Variants in GIPC2 observed in about 807,000 individuals in gnomAD.
GIPC2 encodes GIPC PDZ domain containing family member 2.
GIPC2 carries 30 observed loss-of-function variants against 30.6 expected under a neutral mutation model. The observed-to-expected ratio is 0.98, with a 90% CI of 0.73 to 1.33. The LOEUF (loss-of-function observed/expected upper bound fraction) is 1.33. Ranked by LOEUF, GIPC2 falls within the 40% of genes most tolerant of loss-of-function variation. The pLI is 0.00. For missense variants in GIPC2, 414 were observed against 390.3 expected (o/e 1.06, Z -0.51); for synonymous variants, 167 against 150.0 (o/e 1.11, Z -0.83).
At chr1:78,100,811 T>G (rs1480683206) in intron 3 of GIPC2, among the ~76,000 whole-genome samples, 1 of 151,662 alleles carries the variant, frequency 6.6e-6, no homozygotes, top group East Asian at 1.9e-4. Flanking sequence ...GCACCTCTAG[T>G]CTCAGTTGCT....
At chr1:78,108,953 G>A (rs1223817005) in intron 3 of GIPC2, among the ~76,000 whole-genome samples, 1 of 152,190 alleles carries the variant, frequency 6.6e-6, no homozygotes, top group Non-Finnish European at 1.5e-5. Context: ...AGCAGTCCAT[G>A]AGTGATGCTG....
At position 78,045,968 on chromosome 1, in the gene GIPC2, G is replaced by T; in HGVS notation, c.-127G>T. On this transcript the variant is annotated 5_prime_UTR_variant, in exon 1 of 6. Coordinates refer to ENST00000370759, the MANE Select transcript of GIPC2 (RefSeq NM_017655.6). ...CGGGGCCCTGACCCGACGCAGCCAG[G>T]CGGAAGCGCGGCTGCCATTGGAGGC... is the stretch of plus-strand genomic sequence containing the variant. The T allele has an allele frequency of 1.5e-6, 2 of 1,376,224 alleles. No homozygotes were observed. Among genetic ancestry groups the T allele is most frequent in the Non-Finnish European group, 1.9e-6 (2 of 1,070,200 alleles). The allele number at this position is 1,376,224 out of a possible 1,614,324, so 85.3% of individuals were successfully genotyped here.
rs1553143117 is a variant in GIPC2 at position 78,100,942 on chromosome 1, AC to A, written c.607+5811del. Among the ~76,000 whole-genome samples the A allele has an allele frequency of 8.5e-3, 844 of 98,948 alleles. 7 individuals are homozygous for A. The highest frequency in any genetic ancestry group is 0.023 in the African/African-American group (564 of 24,992). 64.9% of individuals were successfully genotyped at this position (98,948 alleles called of 152,430 possible). A position where few individuals can be genotyped will look rare whatever the true frequency, so the allele number is the denominator to read the frequency against. On this transcript the variant is annotated intron_variant, in intron 3 of 5. Coordinates refer to ENST00000370759, the MANE Select transcript of GIPC2 (RefSeq NM_017655.6). ...GAGACCCTGTCAAAAAAAAAAAAAT[AC>A]ACACACACACACACACACACACACA...
At chr1:78,080,373 AT>A (rs749388830) in intron 1 of GIPC2, among the ~76,000 whole-genome samples, 8 of 152,080 alleles carry the variant, frequency 5.3e-5, no homozygotes, top group Non-Finnish European at 1.2e-4. Context: ...CAGTTTCCTC[AT>A]TTGTAATATG....
intron 2 of GIPC2, 161 bp from the exon 3 acceptor site, chr1:78,094,791 A>T (rs965535323): frequency 2.6e-5 from 14 of 536,428 alleles, no homozygotes; most frequent in Non-Finnish European, 4.7e-5. Flanking sequence ...AAGTACTGTT[A>T]CACAGTTTTT....
intron 2 of GIPC2, among the ~76,000 whole-genome samples, chr1:78,088,118 T>G (rs1661966351): frequency 2.0e-5 from 3 of 152,110 alleles, no homozygotes; most frequent in Admixed American, 2.0e-4. Flanking sequence ...GCTGGTGAGG[T>G]TGCAGAGAAA....
chr1:78,073,353 G>C (rs5001389), intron 1 of GIPC2, among the ~76,000 whole-genome samples: 139,211 of 152,160 alleles, frequency 0.91, 63,842 homozygotes, highest in African/African-American at 0.95. Flanking sequence ...ATCCACCCAT[G>C]TCAGACTCCC....
intron 1 of GIPC2, among the ~76,000 whole-genome samples, chr1:78,071,433 G>T (rs1248292097): frequency 6.6e-6 from 1 of 150,934 alleles, no homozygotes; most frequent in Non-Finnish European, 1.5e-5. Context: ...AATATATTTG[G>T]TTCCATACAG....
At chr1:78,111,857 A>G (rs1662471376) in intron 3 of GIPC2, among the ~76,000 whole-genome samples, 1 of 152,234 alleles carries the variant, frequency 6.6e-6, no homozygotes, top group Non-Finnish European at 1.5e-5. Flanking sequence ...TGGGGTTTTA[A>G]CTAAGGTGCT....
chr1:78,047,277 CAGA>C (rs1661112199), intron 1 of GIPC2, among the ~76,000 whole-genome samples: 1 of 152,166 alleles, frequency 6.6e-6, no homozygotes, highest in African/African-American at 2.4e-5. Flanking sequence ...GCCCTGGACT[CAGA>C]GGAGTGCAGA....
chr1:78,095,035 T>C lies in GIPC2; in HGVS notation c.510T>C (p.Ile170=). 1 of 1,605,684 alleles carries C rather than the reference T, an allele frequency of 6.2e-7. No individual in the cohort carries two copies. Among genetic ancestry groups the C allele is most frequent in the Non-Finnish European group, 8.5e-7 (1 of 1,172,418 alleles). The change falls in exon 3 of 6, where the codon ATT becomes ATC. Residue 170 remains isoleucine, a synonymous_variant. Coordinates refer to ENST00000370759, the MANE Select transcript of GIPC2 (RefSeq NM_017655.6). ...TTGAATCCATAAATGGAGAAAATAT[T>C]GTTGGGTGGCGTCACTATGATGTTG... ...DHIESINGEN[I]VGWRHYDVAK... is the part of the protein sequence containing the mutation.
intron 2 of GIPC2, among the ~76,000 whole-genome samples, chr1:78,089,243 G>T (rs1362417539): frequency 6.6e-5 from 10 of 152,156 alleles, no homozygotes; most frequent in African/African-American, 2.4e-4. Context: ...CCTGCTTTCA[G>T]TCTTAGCCAG....
At chr1:78,075,089 C>T (rs571939875) in intron 1 of GIPC2, among the ~76,000 whole-genome samples, 1 of 152,254 alleles carries the variant, frequency 6.6e-6, no homozygotes, top group Non-Finnish European at 1.5e-5. Context: ...TATCAGACAG[C>T]GTGTTTTCAG....
chr1:78,093,661 A>G lies in GIPC2; in HGVS notation c.427-1291A>G, dbSNP rs529120363. Among the ~76,000 whole-genome samples the G allele has an allele frequency of 1.1e-4, 16 of 152,330 alleles. No homozygotes were observed. The East Asian group carries it at 2.9e-3, about 28-fold the overall frequency. ...ATCAGTTTTCTCCTAGCTCTTGGACACAATGATCAATCACCCTGCTGATTC... is the reference window on the plus strand; with the variant it reads ...ATCAGTTTTCTCCTAGCTCTTGGACGCAATGATCAATCACCCTGCTGATTC... On this transcript the variant is annotated intron_variant, in intron 2 of 5. Transcript: ENST00000370759.
intron 1 of GIPC2, among the ~76,000 whole-genome samples, chr1:78,050,369 A>G (rs1265799924): frequency 6.6e-6 from 1 of 152,190 alleles, no homozygotes; most frequent in Non-Finnish European, 1.5e-5. Context: ...TGAGACTGAC[A>G]GTTGTGGACT....
chr1:78,099,757 A>G (rs1248145614), intron 3 of GIPC2, among the ~76,000 whole-genome samples: 1 of 152,012 alleles, frequency 6.6e-6, no homozygotes, highest in African/African-American at 2.4e-5. Flanking sequence ...TTTCTAAGGA[A>G]AGAGATTTGA....
At chr1:78,055,228 C>T (rs960414686) in intron 1 of GIPC2, among the ~76,000 whole-genome samples, 1 of 152,246 alleles carries the variant, frequency 6.6e-6, no homozygotes, top group Admixed American at 6.5e-5. Context: ...TCTATGCAGG[C>T]ACTAATCCTA....
intron 3 of GIPC2, among the ~76,000 whole-genome samples, chr1:78,104,821 A>G (rs1662313695): frequency 1.3e-5 from 2 of 152,184 alleles, no homozygotes; most frequent in South Asian, 4.1e-4. Flanking sequence ...GGTGTATTGC[A>G]TTTTATCTGA....
chr1:78,132,172 G>T (rs754859312), intron 5 of GIPC2, among the ~76,000 whole-genome samples: 6 of 152,156 alleles, frequency 3.9e-5, no homozygotes, highest in Non-Finnish European at 7.3e-5. Flanking sequence ...CTATAAAAGG[G>T]ACATAATAAA....
Sources: allele counts gnomAD v4.1 joint callset (sites outside exome capture counted in the v4.1 genomes callset), GRCh38; gene constraint gnomAD v4.1.1; transcripts MANE v1.5; gene names NCBI Gene and HGNC (gene_info 2026-07-23, HGNC 2026-07-21).